The following SPAG6 variants were observed in gnomAD, a reference collection of about 807,000 sequenced individuals.
SPAG6 encodes the protein sperm associated antigen 6, also known as sperm-associated antigen 6.
A neutral mutation model predicts 58.5 loss-of-function variants in SPAG6; 49 were observed. That is an observed-to-expected ratio of 0.84 (90% CI 0.67 to 1.06). The LOEUF (loss-of-function observed/expected upper bound fraction) is 1.06. SPAG6 is among the 50% of genes least tolerant of loss of function. The pLI is 0.00. For synonymous variants in SPAG6, 233 were observed against 225.6 expected, an observed-to-expected ratio of 1.03 and a Z score of -0.29; for missense variants, 560 against 611.3, an observed-to-expected ratio of 0.92 and a Z score of 0.89.
At chr10:22,389,896 G>A (rs184569420) in intron 7 of SPAG6, among the ~76,000 whole-genome samples, 12 of 152,212 alleles carry the variant, frequency 7.9e-5, no homozygotes, top group Admixed American at 3.9e-4. Context: ...CCCTCATCTA[G>A]TGCAGCCCTG....
intron 4 of SPAG6, among the ~76,000 whole-genome samples, chr10:22,381,735 C>T (rs1243684907): frequency 1.3e-5 from 2 of 152,170 alleles, no homozygotes; most frequent in African/African-American, 4.8e-5. Context: ...TTCCTGTCTG[C>T]TCTCTTCCCT....
chr10:22,367,990 T>C (rs906969883), intron 3 of SPAG6, among the ~76,000 whole-genome samples: 1 of 152,198 alleles, frequency 6.6e-6, no homozygotes, highest in African/African-American at 2.4e-5. Flanking sequence ...TTTTAGAACA[T>C]GGTTGTTACT....
chr10:22,372,956 C>T (rs1833735167), intron 4 of SPAG6, among the ~76,000 whole-genome samples: 1 of 152,164 alleles, frequency 6.6e-6, no homozygotes, highest in Non-Finnish European at 1.5e-5. Flanking sequence ...AACTGCTTGG[C>T]AACTGCTCAA....
intron 4 of SPAG6, among the ~76,000 whole-genome samples, chr10:22,381,672 A>G (rs1833961312): frequency 6.6e-6 from 1 of 152,042 alleles, no homozygotes. Context: ...AAGCAAGATT[A>G]CTTTTGTCTT....
In SPAG6 at chr10:22,391,786, G is replaced by T. The variant is rs745959953; in HGVS notation, c.1063G>T (p.Ala355Ser). ...AGAACCGGAAGATCATATTAAGGCT[G>T]CAGCTGCTTGGGCCTTAGGACAGAT... ...SEEPEDHIKA[A>S]AAWALGQIGR... Residue 355 changes from alanine (A) to serine (S), a missense_variant, in exon 8 of 11, where the codon GCA becomes TCA. Ala to Ser is a moderately conservative substitution (Grantham distance 99). Transcript: ENST00000376624. The T allele has an allele frequency of 8.1e-6, 13 of 1,613,456 alleles. No homozygotes were observed. In the African/African-American group the frequency reaches 1.7e-4, roughly 22 times the overall value.
intron 4 of SPAG6, among the ~76,000 whole-genome samples, chr10:22,381,281 A>G (rs1357661465): frequency 1.3e-5 from 2 of 151,920 alleles, no homozygotes; most frequent in East Asian, 3.9e-4. Flanking sequence ...GCAGGCCCAC[A>G]GAGGGGTGTG....
chr10:22,377,188 C>T (rs1450757393), intron 4 of SPAG6, among the ~76,000 whole-genome samples: 11 of 152,136 alleles, frequency 7.2e-5, no homozygotes, highest in African/African-American at 2.7e-4. Flanking sequence ...TGGTGAAGAA[C>T]TGAGGTTTCC....
chr10:22,412,314 G>T, intron 10 of SPAG6: 1 of 561,944 alleles, frequency 1.8e-6, no homozygotes, highest in Non-Finnish European at 3.1e-6. Context: ...ACTTACGCAA[G>T]TTGCAACATG....
At chr10:22,391,009 T>A (rs1424221970) in intron 7 of SPAG6, among the ~76,000 whole-genome samples, 1 of 152,234 alleles carries the variant, frequency 6.6e-6, no homozygotes, top group African/African-American at 2.4e-5. Flanking sequence ...TTTGATTTTT[T>A]AAAATTGTTC....
intron 10 of SPAG6, among the ~76,000 whole-genome samples, chr10:22,413,351 G>A (rs1834790183): frequency 6.6e-6 from 1 of 152,000 alleles, no homozygotes; most frequent in Admixed American, 6.6e-5. Flanking sequence ...GGCTAACACG[G>A]TGAAACCCCG....
At position 22,364,843 on chromosome 10, in the gene SPAG6, T is replaced by C; in HGVS notation, c.122-10T>C. The C allele has an allele frequency of 6.3e-7, 1 of 1,588,914 alleles. No homozygotes were observed. The highest frequency in any genetic ancestry group is 8.6e-7 in the Non-Finnish European group (1 of 1,168,146). ...TTTCCTGATTTCTGTTCTTTCATAA[T>C]TTAACTCAGGTGTAATGTCTTTGCT... On this transcript the variant is annotated splice_polypyrimidine_tract_variant and intron_variant, in intron 2 of 10. Coordinates refer to ENST00000376624, the MANE Select transcript of SPAG6 (RefSeq NM_012443.4).
chr10:22,410,757 T>C (rs1588566363), intron 9 of SPAG6, among the ~76,000 whole-genome samples: 1 of 152,328 alleles, frequency 6.6e-6, no homozygotes, highest in East Asian at 1.9e-4. Context: ...AAAGAGACCT[T>C]GAATGGTGTA....
At chr10:22,413,103 C>T (rs984302552) in intron 10 of SPAG6, 1 of 144,486 alleles carries the variant, frequency 6.9e-6, no homozygotes, top group African/African-American at 2.7e-5. Context: ...TAAAGTGTCC[C>T]CAGAATGAAT....
chr10:22,348,387 T>C (rs894796073), intron 2 of SPAG6, among the ~76,000 whole-genome samples: 5 of 152,252 alleles, frequency 3.3e-5, no homozygotes, highest in Admixed American at 2.0e-4. Context: ...AAATCAATTA[T>C]ACATTATGGT....
At chr10:22,405,673 C>T (rs1267788540) in intron 9 of SPAG6, among the ~76,000 whole-genome samples, 3 of 151,676 alleles carry the variant, frequency 2.0e-5, no homozygotes, top group African/African-American at 7.3e-5. Context: ...GGGAGGATTC[C>T]CTCTTTTTCT....
Position 22,403,236 on chromosome 10 carries a change from A to C in SPAG6, c.1314+1959A>C, listed in dbSNP as rs149843901. Among the ~76,000 whole-genome samples, 260 of 152,290 alleles carry C rather than the reference A, an allele frequency of 1.7e-3. 7 individuals carry two copies. The East Asian group carries it at 0.039, about 23-fold the overall frequency. ...GCCGTGCTGGTGCGTTGCACCCACTAACTCGTCATCTAGCATGAGGTATAT... is the reference window on the plus strand; with the variant it reads ...GCCGTGCTGGTGCGTTGCACCCACTCACTCGTCATCTAGCATGAGGTATAT... On this transcript the variant is annotated intron_variant, in intron 9 of 10. Coordinates refer to ENST00000376624, the MANE Select transcript of SPAG6 (RefSeq NM_012443.4).
At position 22,416,771 on chromosome 10, in the gene SPAG6, A is replaced by G. The variant is rs961132337; in HGVS notation, c.*83A>G. On this transcript the variant is annotated 3_prime_UTR_variant, in exon 11 of 11. Transcript: ENST00000376624. The stretch of plus-strand genomic sequence containing the variant: ...TAAATCCTTCTAAATATTTGAACTA[A>G]GTATATTCTAGATTTATTTAATGGG... The G allele has an allele frequency of 2.4e-5, 18 of 748,814 alleles. No homozygotes were observed. In the African/African-American group the frequency reaches 2.6e-4, roughly 11 times the overall value. 46.4% of individuals were successfully genotyped at this position (748,814 alleles called of 1,614,324 possible). A position where few individuals can be genotyped will look rare whatever the true frequency, so the allele number is the denominator to read the frequency against.
intron 9 of SPAG6, among the ~76,000 whole-genome samples, chr10:22,406,781 T>C (rs544648732): frequency 2.5e-4 from 38 of 152,250 alleles, no homozygotes; most frequent in African/African-American, 7.5e-4. Flanking sequence ...TAAGTCTCTT[T>C]GTAGGTCACT....
chr10:22,386,631 C>T, intron 4 of SPAG6, 123 bp from the exon 5 acceptor site: 2 of 710,966 alleles, frequency 2.8e-6, no homozygotes, highest in Non-Finnish European at 4.9e-6. Flanking sequence ...ATTTGAAATG[C>T]AGATGTTGAG....
Sources: allele counts gnomAD v4.1 joint callset (sites outside exome capture counted in the v4.1 genomes callset), GRCh38; gene constraint gnomAD v4.1.1; transcripts MANE v1.5; gene names NCBI Gene and HGNC (gene_info 2026-07-23, HGNC 2026-07-21).